Variants in LRRC7 observed in about 807,000 individuals in gnomAD.
LRRC7 encodes leucine-rich repeat-containing protein 7.
A neutral mutation model predicts 175.7 loss-of-function variants in LRRC7; 23 were observed. The observed-to-expected ratio is 0.13, with a 90% CI of 0.09 to 0.19. The LOEUF is 0.19. LRRC7 is among the 10% of genes least tolerant of loss of function. LRRC7 has a pLI of 1.00. For missense variants in LRRC7, 1,354 were observed against 1,904.7 expected, an observed-to-expected ratio of 0.71 and a Z score of 5.38; for synonymous variants, 685 against 680.9, an observed-to-expected ratio of 1.01 and a Z score of -0.09.
intron 23 of LRRC7, among the ~76,000 whole-genome samples, chr1:70,075,495 G>C (rs542229737): frequency 1.1e-3 from 162 of 152,286 alleles, no homozygotes; most frequent in South Asian, 6.6e-3. Context: ...TCTGCAGAGA[G>C]AGCTCATTTC....
In LRRC7 at chr1:69,711,482, T is replaced by A. The variant is rs1664745383; in HGVS notation, c.100+33004T>A. 3.3e-5 allele frequency among the ~76,000 whole-genome samples: 5 copies of A among 152,308 alleles called. No homozygotes were observed. In the South Asian group the frequency reaches 1.0e-3, roughly 32 times the overall value. ...TCCTTGACATTTCAAATCCCCTGAATTTTTCATTTACTCAGTAATTGAAAA... is the reference window on the plus strand; with the variant it reads ...TCCTTGACATTTCAAATCCCCTGAAATTTTCATTTACTCAGTAATTGAAAA... On this transcript the variant is annotated intron_variant, in intron 2 of 26. Transcript: ENST00000651989.
chr1:69,864,449 G>T (rs1474399173), intron 7 of LRRC7, among the ~76,000 whole-genome samples: 1 of 152,220 alleles, frequency 6.6e-6, no homozygotes, highest in Non-Finnish European at 1.5e-5. Flanking sequence ...TAAAATATGT[G>T]TGAAAAAGCA....
intron 7 of LRRC7, chr1:69,919,761 G>A: frequency 1.0e-6 from 1 of 955,700 alleles, no homozygotes; most frequent in South Asian, 1.4e-5. Flanking sequence ...GAAGACCCCT[G>A]GTTTGCGCGG....
chr1:70,032,678 C>T (rs1036886826), intron 18 of LRRC7, among the ~76,000 whole-genome samples: 7 of 151,994 alleles, frequency 4.6e-5, no homozygotes, highest in Non-Finnish European at 1.0e-4. Context: ...GAGAATTGTC[C>T]ATTACCCTCA....
intron 7 of LRRC7, among the ~76,000 whole-genome samples, chr1:69,904,030 A>G (rs1646219446): frequency 6.6e-6 from 1 of 152,224 alleles, no homozygotes; most frequent in Admixed American, 6.5e-5. Context: ...CCAACCAAAA[A>G]AAGTCCAGGA....
chr1:69,927,951 G>C (rs985907862), intron 7 of LRRC7, among the ~76,000 whole-genome samples: 7 of 152,004 alleles, frequency 4.6e-5, no homozygotes, highest in Admixed American at 3.9e-4. Flanking sequence ...ATCTACTTTT[G>C]GTCTTTGATG....
chr1:69,617,037 C>T (rs1006558785), intron 1 of LRRC7, among the ~76,000 whole-genome samples: 4 of 152,128 alleles, frequency 2.6e-5, no homozygotes, highest in Non-Finnish European at 4.4e-5. Context: ...ATTTTTGTAA[C>T]GTATTTGCAT....
intron 2 of LRRC7, among the ~76,000 whole-genome samples, chr1:69,696,534 G>C (rs144838001): frequency 2.0e-5 from 3 of 152,250 alleles, no homozygotes; most frequent in Non-Finnish European, 4.4e-5. Context: ...ATTTTGCAAT[G>C]TGAGAAGAAC....
chr1:70,093,159 G>A (rs992679747), intron 25 of LRRC7, among the ~76,000 whole-genome samples: 5 of 152,092 alleles, frequency 3.3e-5, no homozygotes, highest in African/African-American at 1.2e-4. Flanking sequence ...GCCATGATCT[G>A]TTTCATTACA....
At chr1:69,792,273 C>CTG (rs1675217062) in intron 4 of LRRC7, 113 bp downstream of exon 4, 1 of 675,282 alleles carries the variant, frequency 1.5e-6, no homozygotes, top group Admixed American at 2.8e-5. Flanking sequence ...TTTGTTGCAA[C>CTG]TGTAGTTTAA....
At chr1:69,822,653 A>C (rs1679436913) in intron 4 of LRRC7, among the ~76,000 whole-genome samples, 1 of 152,130 alleles carries the variant, frequency 6.6e-6, no homozygotes. Context: ...CTATATTTTT[A>C]CTTTCCCCTG....
At chr1:69,845,810 T>C (rs1344059402) in intron 7 of LRRC7, among the ~76,000 whole-genome samples, 2 of 152,110 alleles carry the variant, frequency 1.3e-5, no homozygotes, top group Non-Finnish European at 2.9e-5. Context: ...ATTAACTCTG[T>C]ATTTGTAATT....
intron 7 of LRRC7, among the ~76,000 whole-genome samples, chr1:69,882,234 T>C (rs1557846333): frequency 6.6e-6 from 1 of 152,076 alleles, no homozygotes; most frequent in Non-Finnish European, 1.5e-5. Context: ...AACTAGATAT[T>C]GGAAAGAGAG....
At chr1:69,972,250 A>G (rs1354695335) in intron 8 of LRRC7, among the ~76,000 whole-genome samples, 3 of 152,260 alleles carry the variant, frequency 2.0e-5, no homozygotes, top group Admixed American at 2.0e-4. Context: ...AAGCAAATGC[A>G]ATAAAAACAA....
intron 4 of LRRC7, among the ~76,000 whole-genome samples, chr1:69,793,219 GATGC>G (rs1253223758): frequency 6.6e-6 from 1 of 152,090 alleles, no homozygotes; most frequent in Non-Finnish European, 1.5e-5. Context: ...TTTGTGTGAA[GATGC>G]ATTCAACATG....
intron 21 of LRRC7, among the ~76,000 whole-genome samples, chr1:70,042,461 G>C (rs1659993696): frequency 6.6e-6 from 1 of 152,116 alleles, no homozygotes. Context: ...CTAGAGTCTT[G>C]GACATTGGAT....
At chr1:69,598,040 T>G (rs1646912037) in intron 1 of LRRC7, among the ~76,000 whole-genome samples, 1 of 152,190 alleles carries the variant, frequency 6.6e-6, no homozygotes, top group South Asian at 2.1e-4. Context: ...AAATGATTTG[T>G]TGAGCAAAAT....
At chr1:69,946,353 G>GA (rs899032250) in intron 8 of LRRC7, among the ~76,000 whole-genome samples, 1 of 152,142 alleles carries the variant, frequency 6.6e-6, no homozygotes, top group African/African-American at 2.4e-5. Context: ...GTGCACTTGA[G>GA]AAAAATGTTT....
intron 26 of LRRC7, among the ~76,000 whole-genome samples, chr1:70,108,609 A>G (rs1665305146): frequency 6.6e-6 from 1 of 152,218 alleles, no homozygotes; most frequent in Non-Finnish European, 1.5e-5. Context: ...ATTTTGACTT[A>G]GAACCCCAGA....
Sources: gnomAD v4.1 joint callset for allele counts (sites outside exome capture counted in the v4.1 genomes callset) on GRCh38, gnomAD v4.1.1 for gene constraint, MANE v1.5 for transcripts, NCBI Gene and HGNC (gene_info 2026-07-23, HGNC 2026-07-21) for gene names.